PRKCH: variants seen among roughly 807,000 people sequenced by gnomAD.
The protein encoded by PRKCH is protein kinase C eta type.
In PRKCH, 28 loss-of-function variants were observed where a neutral mutation model predicts 82.5. The observed-to-expected ratio is 0.34, with a 90% CI of 0.25 to 0.47. PRKCH has a LOEUF of 0.47. Among genes scored for constraint, PRKCH ranks in the 20% least tolerant of loss-of-function variants. The pLI is 1.00. For synonymous variants in PRKCH, 322 were observed against 327.4 expected (o/e 0.98, Z 0.18); for missense variants, 705 against 881.8 (o/e 0.80, Z 2.54).
chr14:61,441,071 AT>A (rs1460724025), intron 2 of PRKCH, among the ~76,000 whole-genome samples: 1 of 134,006 alleles, frequency 7.5e-6, no homozygotes, highest in Admixed American at 7.9e-5. Context: ...TTTTTTTAAA[AT>A]TTTTTTTGGT....
At position 61,496,491 on chromosome 14, in the gene PRKCH, C is replaced by T. The variant is rs564376747; in HGVS notation, c.1433+10835C>T. 5.9e-5 allele frequency among the ~76,000 whole-genome samples: 9 copies of T among 152,308 alleles called. No homozygotes were observed. The South Asian group carries it at 1.9e-3, about 32-fold the overall frequency. On this transcript the variant is annotated intron_variant, in intron 10 of 13. Coordinates refer to ENST00000332981, the MANE Select transcript of PRKCH (RefSeq NM_006255.5). ...CCCCATCTCTTTGCCAAGCTTCCAG[C>T]TACCAATTCTTGCAGTCTCATCTTA...
At chr14:61,528,962 A>ACGTGTGTGTGTG (rs1169181545) in intron 10 of PRKCH, 113 bp from the exon 11 acceptor site, 1 of 932,360 alleles carries the variant, frequency 1.1e-6, no homozygotes, top group Non-Finnish European at 1.4e-6. Flanking sequence ...ATGCGGCCGC[A>ACGTGTGTGTGTG]TGTGGCCGCA....
At chr14:61,270,990 A>G (rs1404661988) in intron 1 of PRKCH, among the ~76,000 whole-genome samples, 1 of 152,150 alleles carries the variant, frequency 6.6e-6, no homozygotes, top group Non-Finnish European at 1.5e-5. Context: ...CAAAAGCACA[A>G]ACAAGTAAAG....
At chr14:61,285,136 ATTT>A (rs35214569) in intron 1 of PRKCH, among the ~76,000 whole-genome samples, 2 of 152,056 alleles carry the variant, frequency 1.3e-5, no homozygotes, top group East Asian at 3.9e-4. Flanking sequence ...TTTCTTTCAG[ATTT>A]TTTTCCTTGG....
intron 12 of PRKCH, among the ~76,000 whole-genome samples, chr14:61,538,722 C>CTCTT (rs1324654338): frequency 1.3e-5 from 2 of 152,120 alleles, no homozygotes; most frequent in African/African-American, 4.8e-5. Flanking sequence ...GTTAGAAAAA[C>CTCTT]TCTTGTCAAC....
intron 1 of PRKCH, among the ~76,000 whole-genome samples, chr14:61,368,001 A>T (rs2046319442): frequency 6.6e-6 from 1 of 151,978 alleles, no homozygotes; most frequent in African/African-American, 2.4e-5. Flanking sequence ...GGCGTGAGCC[A>T]CCGCGCCCAG....
In PRKCH at chr14:61,518,851, T is replaced by TGGA. The variant is rs1460792911; in HGVS notation, c.1434-10223_1434-10222insGAG. On this transcript the variant is annotated intron_variant, in intron 10 of 13. Coordinates refer to ENST00000332981, the MANE Select transcript of PRKCH (RefSeq NM_006255.5). ...TTTTTGAGACAGGATCTTGCTCTGT[T>TGGA]GCCCATGCTGGAGTGCAGTAGCACA... Among the ~76,000 whole-genome samples, 178 of 152,308 alleles carry TGGA rather than the reference T, an allele frequency of 1.2e-3. 1 individual carries two copies. The highest frequency in any genetic ancestry group is 4.1e-3 in the African/African-American group (170 of 41,570).
chr14:61,467,609 T>C (rs1885317821), intron 9 of PRKCH, among the ~76,000 whole-genome samples: 1 of 152,226 alleles, frequency 6.6e-6, no homozygotes, highest in Non-Finnish European at 1.5e-5. Context: ...AGGGGAAGTA[T>C]AGCCGAAAGG....
intron 1 of PRKCH, among the ~76,000 whole-genome samples, chr14:61,220,885 A>G (rs2044650746): frequency 6.6e-6 from 1 of 152,130 alleles, no homozygotes; most frequent in Non-Finnish European, 1.5e-5. Flanking sequence ...CTGTTCTCAC[A>G]TTTTATTATA....
intron 2 of PRKCH, among the ~76,000 whole-genome samples, chr14:61,398,410 A>G (rs893972322): frequency 2.0e-5 from 3 of 152,254 alleles, no homozygotes; most frequent in Non-Finnish European, 4.4e-5. Context: ...GTATGACATC[A>G]TCTTATGTGA....
intron 1 of PRKCH, among the ~76,000 whole-genome samples, chr14:61,231,893 C>T (rs941571185): frequency 1.3e-5 from 2 of 152,152 alleles, no homozygotes; most frequent in African/African-American, 4.8e-5. Flanking sequence ...CACAACACTG[C>T]TAACACCAGC....
At chr14:61,376,017 CAAA>C (rs61102403) in intron 1 of PRKCH, among the ~76,000 whole-genome samples, 10 of 62,318 alleles carry the variant, frequency 1.6e-4, no homozygotes, top group Admixed American at 1.8e-4. Flanking sequence ...AATTCTGTCT[CAAA>C]AAAAAAAAAA....
At chr14:61,393,774 A>G (rs1254581377) in intron 2 of PRKCH, among the ~76,000 whole-genome samples, 2 of 152,208 alleles carry the variant, frequency 1.3e-5, no homozygotes, top group Non-Finnish European at 2.9e-5. Context: ...CTTCAAGCCA[A>G]TAAAACTGTG....
intron 1 of PRKCH, among the ~76,000 whole-genome samples, chr14:61,358,172 C>T (rs768431094): frequency 3.3e-5 from 5 of 152,132 alleles, no homozygotes; most frequent in Non-Finnish European, 7.3e-5. Context: ...TTCCCTGACC[C>T]TCAGTGTCTT....
At chr14:61,431,944 T>C (rs928460236) in intron 2 of PRKCH, among the ~76,000 whole-genome samples, 2 of 152,228 alleles carry the variant, frequency 1.3e-5, no homozygotes, top group African/African-American at 4.8e-5. Flanking sequence ...GTTTGTGCTT[T>C]ATAAACAACA....
intron 1 of PRKCH, among the ~76,000 whole-genome samples, chr14:61,359,905 A>G (rs2046200628): frequency 6.6e-6 from 1 of 152,252 alleles, no homozygotes; most frequent in Admixed American, 6.5e-5. Flanking sequence ...CTACTGGACA[A>G]TGCTGTTTTA....
intron 2 of PRKCH, among the ~76,000 whole-genome samples, chr14:61,408,652 C>A (rs1411122297): frequency 6.6e-6 from 1 of 152,218 alleles, no homozygotes; most frequent in African/African-American, 2.4e-5. Context: ...CACAAGCACA[C>A]ACCCACAAAG....
At chr14:61,356,091 C>G (rs1024884936) in intron 1 of PRKCH, among the ~76,000 whole-genome samples, 2 of 152,140 alleles carry the variant, frequency 1.3e-5, no homozygotes, top group Non-Finnish European at 2.9e-5. Context: ...ACTGACTGAG[C>G]GCTTGGCATT....
chr14:61,230,004 T>C (rs2044728819), intron 1 of PRKCH, among the ~76,000 whole-genome samples: 1 of 152,206 alleles, frequency 6.6e-6, no homozygotes, highest in South Asian at 2.1e-4. Context: ...TTGTCTTTTT[T>C]CCTCTTTAAA....
Sources: allele counts gnomAD v4.1 joint callset (sites outside exome capture counted in the v4.1 genomes callset), GRCh38; gene constraint gnomAD v4.1.1; transcripts MANE v1.5; gene names NCBI Gene and HGNC (gene_info 2026-07-23, HGNC 2026-07-21).